The following PKDCC variants were observed in gnomAD, a reference collection of about 807,000 sequenced individuals.
PKDCC encodes protein kinase domain containing, cytoplasmic, also known as extracellular tyrosine-protein kinase PKDCC.
Under a neutral mutation model 44.7 loss-of-function variants are expected in PKDCC, and 35 were observed. That is an observed-to-expected ratio of 0.78 (90% CI 0.60 to 1.04). PKDCC has a LOEUF of 1.04. Among genes scored for constraint, PKDCC ranks in the 50% least tolerant of loss-of-function variants. PKDCC has a pLI of 0.00. For missense variants in PKDCC, 738 were observed against 672.7 expected, an observed-to-expected ratio of 1.10 and a Z score of -1.07; for synonymous variants, 353 against 303.3, an observed-to-expected ratio of 1.16 and a Z score of -1.70.
chr2:42,057,776 T>C lies in PKDCC; in HGVS notation c.*88T>C, dbSNP rs1001161009. ...AGTGACTTGCACTGGCAGCACTGCA[T>C]GTCACCTGGGAACCCCTGCAGACAA... is the stretch of plus-strand genomic sequence containing the variant. On this transcript the variant is annotated 3_prime_UTR_variant, in exon 7 of 7. Transcript: ENST00000294964. The C allele has an allele frequency of 9.6e-6, 11 of 1,142,388 alleles. No homozygotes were observed. The Admixed American group carries it at 1.2e-4, about 12-fold the overall frequency. The allele number at this position is 1,142,388 out of a possible 1,614,324, so 70.8% of individuals were successfully genotyped here. A position where few individuals can be genotyped will look rare whatever the true frequency, so the allele number is the denominator to read the frequency against.
At chr2:42,053,120 G>T in intron 1 of PKDCC, 119 bp from the exon 2 acceptor site, 1 of 1,179,512 alleles carries the variant, frequency 8.5e-7, no homozygotes, top group Non-Finnish European at 1.2e-6. Context: ...CTTCTGGCCT[G>T]AGCTGAAGCA....
Position 42,048,598 on chromosome 2 carries a change from C to T in PKDCC, c.399C>T (p.Ala133=). 6.7e-7 allele frequency: 1 copy of T among 1,498,692 alleles called. No individual in the cohort carries two copies. The highest frequency in any genetic ancestry group is 8.9e-7 in the Non-Finnish European group (1 of 1,124,538). 92.8% of individuals were successfully genotyped at this position (1,498,692 alleles called of 1,614,324 possible). The change falls in exon 1 of 7, where the codon GCC becomes GCT. Residue 133 remains alanine, a synonymous_variant. Transcript: ENST00000294964. The surrounding 1 kb of genome is among the most constrained non-coding windows in gnomAD (Gnocchi z 6.2). ...SPGPGPRLGC[A]ALRNVSGAQY... is the part of the protein sequence containing the mutation. ...GCCCGGGCCCGCGCCTGGGCTGCGCCGCGCTTCGCAACGTGTCCGGCGCGC... is the reference window on the plus strand; with the variant it reads ...GCCCGGGCCCGCGCCTGGGCTGCGCTGCGCTTCGCAACGTGTCCGGCGCGC...
chr2:42,054,490 A>C lies in PKDCC; in HGVS notation c.1034+183A>C. On this transcript the variant is annotated intron_variant, in intron 3 of 6. Coordinates refer to ENST00000294964, the MANE Select transcript of PKDCC (RefSeq NM_138370.3). This position sits in a 1 kb window ranked among gnomAD's most constrained non-coding sequence, Gnocchi z 6.1. The stretch of plus-strand genomic sequence containing the variant: ...CCTCTGATGGAGAGGCTAAAAATAG[A>C]CAGCTCCAAGGAGAATCCGGGTTAG... 1.4e-6 allele frequency: 1 copy of C among 722,740 alleles called. No homozygotes were observed. Among genetic ancestry groups the C allele is most frequent in the Non-Finnish European group, 2.2e-6 (1 of 448,922 alleles). The allele number at this position is 722,740 out of a possible 1,614,324, so 44.8% of individuals were successfully genotyped here.
At position 42,051,073 on chromosome 2, in the gene PKDCC, T is replaced by C. The variant is rs987518879; in HGVS notation, c.640-2166T>C. Among the ~76,000 whole-genome samples the C allele has an allele frequency of 6.6e-6, 1 of 152,238 alleles. No individual in the cohort carries two copies. The highest frequency in any genetic ancestry group is 6.5e-5 in the Admixed American group (1 of 15,306). On this transcript the variant is annotated intron_variant, in intron 1 of 6. Transcript: ENST00000294964. This position sits in a 1 kb window ranked among gnomAD's most constrained non-coding sequence, Gnocchi z 4.2. ...TTCTAGAGTTCCTAGTGGTGCAGGC[T>C]CACCACCCTCCCTCTCTGAGCAGCC...
chr2:42,049,275 G>C (rs1352479777), intron 1 of PKDCC, among the ~76,000 whole-genome samples: 2 of 152,154 alleles, frequency 1.3e-5, no homozygotes, highest in Admixed American at 1.3e-4. Context: ...CCAACTTCCA[G>C]TGATTTGTCT....
At position 42,048,259 on chromosome 2, in the gene PKDCC, C is replaced by G. The variant is rs956119564; in HGVS notation, c.60C>G (p.Ser20=). The G allele has an allele frequency of 1.1e-4, 139 of 1,279,622 alleles. No individual in the cohort carries two copies. The highest frequency in any genetic ancestry group is 1.4e-4 in the Non-Finnish European group (137 of 1,003,990). The allele number at this position is 1,279,622 out of a possible 1,614,324, so 79.3% of individuals were successfully genotyped here. A position where few individuals can be genotyped will look rare whatever the true frequency, so the allele number is the denominator to read the frequency against. The change falls in exon 1 of 7, where the codon TCC becomes TCG. Residue 20 remains serine, a synonymous_variant. Transcript: ENST00000294964. This position sits in a 1 kb window ranked among gnomAD's most constrained non-coding sequence, Gnocchi z 6.2. ...AGFCASFLLG[S]VLNVLFAPGS... Reference sequence around the variant, plus strand: ...TCTGCGCCTCCTTCCTGCTGGGCTCCGTCCTCAACGTGCTCTTCGCTCCGG... The same window carrying G: ...TCTGCGCCTCCTTCCTGCTGGGCTCGGTCCTCAACGTGCTCTTCGCTCCGG...
At position 42,054,397 on chromosome 2, in the gene PKDCC, G is replaced by A. The variant is rs1408877077; in HGVS notation, c.1034+90G>A. 14 of 1,450,756 alleles carry A rather than the reference G, an allele frequency of 9.7e-6. No individual in the cohort carries two copies. The Admixed American group carries it at 1.7e-4, about 17-fold the overall frequency. The allele number at this position is 1,450,756 out of a possible 1,614,324, so 89.9% of individuals were successfully genotyped here. ...AGAGAGCCAACGTGGAGGCCAGCTG[G>A]GCAGGGAGACTCAGCCTTGACCAGA... On this transcript the variant is annotated intron_variant, in intron 3 of 6. Coordinates refer to ENST00000294964, the MANE Select transcript of PKDCC (RefSeq NM_138370.3). This position sits in a 1 kb window ranked among gnomAD's most constrained non-coding sequence, Gnocchi z 6.1.
Position 42,054,617 on chromosome 2 carries a change from A to T in PKDCC, c.1034+310A>T. On this transcript the variant is annotated intron_variant, in intron 3 of 6. Coordinates refer to ENST00000294964, the MANE Select transcript of PKDCC (RefSeq NM_138370.3). This position sits in a 1 kb window ranked among gnomAD's most constrained non-coding sequence, Gnocchi z 6.1. ...CCCACCCAGGCCCTTGTGCTCTGGG[A>T]AATTCCTCACTGGGCCCCAGCCATG... The T allele has an allele frequency of 1.9e-6, 1 of 539,278 alleles. No homozygotes were observed. The highest frequency in any genetic ancestry group is 3.3e-6 in the Non-Finnish European group (1 of 303,770). 33.4% of individuals were successfully genotyped at this position (539,278 alleles called of 1,614,324 possible).
rs1427681485 is a variant in PKDCC, at chr2:42,054,816, C to T, written c.1035-125C>T. On this transcript the variant is annotated intron_variant, in intron 3 of 6. Coordinates refer to ENST00000294964, the MANE Select transcript of PKDCC (RefSeq NM_138370.3). The surrounding 1 kb of genome is among the most constrained non-coding windows in gnomAD (Gnocchi z 6.1). The stretch of plus-strand genomic sequence containing the variant: ...GCTGAGTAGACTTCACTGCGTTCTG[C>T]CTGGTTGCTAGGCCTGAGGGATCCG... 7 of 882,614 alleles carry T rather than the reference C, an allele frequency of 7.9e-6. No homozygotes were observed. The highest frequency in any genetic ancestry group is 2.2e-4 in the Middle Eastern group (1 of 4,546). The allele number at this position is 882,614 out of a possible 1,614,324, so 54.7% of individuals were successfully genotyped here.
rs1180798351 is a variant in PKDCC, at chr2:42,054,398, G to T, written c.1034+91G>T. The T allele has an allele frequency of 1.4e-6, 2 of 1,441,434 alleles. No individual in the cohort carries two copies. Among genetic ancestry groups the T allele is most frequent in the Non-Finnish European group, 1.9e-6 (2 of 1,067,240 alleles). The allele number at this position is 1,441,434 out of a possible 1,614,324, so 89.3% of individuals were successfully genotyped here. ...GAGAGCCAACGTGGAGGCCAGCTGG[G>T]CAGGGAGACTCAGCCTTGACCAGAG... is the stretch of plus-strand genomic sequence containing the variant. On this transcript the variant is annotated intron_variant, in intron 3 of 6. Transcript: ENST00000294964. This position sits in a 1 kb window ranked among gnomAD's most constrained non-coding sequence, Gnocchi z 6.1.
Position 42,057,220 on chromosome 2 carries a change from G to C in PKDCC, c.1223-1G>C. ...CATTTTACTCCATCCCCAACCCACA[G>C]AGTACCAGTGTATCCCAGACAGCAC... is the stretch of plus-strand genomic sequence containing the variant. On this transcript the variant is annotated splice_acceptor_variant, in intron 5 of 6. Transcript: ENST00000294964. LOFTEE classifies it high-confidence loss of function. 1.2e-6 allele frequency: 2 copies of C among 1,614,126 alleles called. No individual in the cohort carries two copies. Among genetic ancestry groups the C allele is most frequent in the Non-Finnish European group, 1.7e-6 (2 of 1,179,974 alleles).
At chr2:42,056,879 G>T (rs1371056003) in intron 5 of PKDCC, among the ~76,000 whole-genome samples, 1 of 152,146 alleles carries the variant, frequency 6.6e-6, no homozygotes, top group Non-Finnish European at 1.5e-5. Flanking sequence ...AAAATGTCCT[G>T]GCCTCAGCAA....
In PKDCC at chr2:42,055,466, C is replaced by A; in HGVS notation, c.1222+73C>A. 1.5e-6 allele frequency: 2 copies of A among 1,349,230 alleles called. No homozygotes were observed. The highest frequency in any genetic ancestry group is 1.3e-5 in the South Asian group (1 of 77,126). The allele number at this position is 1,349,230 out of a possible 1,614,324, so 83.6% of individuals were successfully genotyped here. A position where few individuals can be genotyped will look rare whatever the true frequency, so the allele number is the denominator to read the frequency against. On this transcript the variant is annotated intron_variant, in intron 5 of 6. Coordinates refer to ENST00000294964, the MANE Select transcript of PKDCC (RefSeq NM_138370.3). This position sits in a 1 kb window ranked among gnomAD's most constrained non-coding sequence, Gnocchi z 4.5. ...GGGTGAATGACCCCGCCCAATTAGG[C>A]TAAGTGGCTCACCCTTTCTCTGGGG...
chr2:42,057,368 TGGTCACCAACCAGACCACCTGGACA>T lies in PKDCC; in HGVS notation c.1374_1396+2del. ...AGCCATGCCCAGTGTCGGGCCTTTG[TGGTCACCAACCAGACCACCTGGACA>T]GGTGAGCCAGTGGGAGAAGCCCTTC... On this transcript the variant is annotated frameshift_variant and splice_region_variant, in exon 6 of 7. Coordinates refer to ENST00000294964, the MANE Select transcript of PKDCC (RefSeq NM_138370.3). LOFTEE classifies it high-confidence loss of function. 6.2e-7 allele frequency: 1 copy of T among 1,614,190 alleles called. No homozygotes were observed.
intron 1 of PKDCC, 36 bp from the exon 2 acceptor site, chr2:42,053,203 C>CCA: frequency 6.8e-7 from 1 of 1,473,450 alleles, no homozygotes; most frequent in Non-Finnish European, 9.3e-7. Flanking sequence ...CCACCCCCAC[C>CCA]CTGTGACCTA....
Position 42,055,119 on chromosome 2 carries a change from G to C in PKDCC, c.1114+99G>C. On this transcript the variant is annotated intron_variant, in intron 4 of 6. Coordinates refer to ENST00000294964, the MANE Select transcript of PKDCC (RefSeq NM_138370.3). The surrounding 1 kb of genome is among the most constrained non-coding windows in gnomAD (Gnocchi z 4.5). ...ATAACCCAGGGCAGCAGGGGTTCTA[G>C]AAACCATCACTTCCTAAGGTGGCAT... 1 of 1,404,070 alleles carries C rather than the reference G, an allele frequency of 7.1e-7. No individual in the cohort carries two copies. The highest frequency in any genetic ancestry group is 1.0e-6 in the Non-Finnish European group (1 of 995,236). 87.0% of individuals were successfully genotyped at this position (1,404,070 alleles called of 1,614,324 possible).
chr2:42,054,174 G>A lies in PKDCC; in HGVS notation c.901G>A (p.Val301Met), dbSNP rs1186416663. 1 of 1,611,900 alleles carries A rather than the reference G, an allele frequency of 6.2e-7. No homozygotes were observed. Among genetic ancestry groups the A allele is most frequent in the African/African-American group, 1.3e-5 (1 of 74,904 alleles). Residue 301 changes from valine to methionine, a missense_variant, in exon 3 of 7, where the codon GTG (valine) becomes ATG (methionine). Coordinates refer to ENST00000294964, the MANE Select transcript of PKDCC (RefSeq NM_138370.3). The surrounding 1 kb of genome is among the most constrained non-coding windows in gnomAD (Gnocchi z 6.1). ...LKVTDLDDARVEETPCAGSTD... is the reference protein window; with the variant it reads ...LKVTDLDDARMEETPCAGSTD... The stretch of plus-strand genomic sequence containing the variant: ...AGTGACGGACCTGGATGACGCACGT[G>A]TGGAGGAGACGCCGTGTGCAGGCAG...
Position 42,058,114 on chromosome 2 carries a change from A to G in PKDCC, c.*426A>G, listed in dbSNP as rs1224609779. ...AGGCGGTGGGGGCTGCGTGGGGACA[A>G]TCCATCGTGGAGTGTTCTCTCAGCT... is the stretch of plus-strand genomic sequence containing the variant. On this transcript the variant is annotated 3_prime_UTR_variant, in exon 7 of 7. Coordinates refer to ENST00000294964, the MANE Select transcript of PKDCC (RefSeq NM_138370.3). The surrounding 1 kb of genome is among the most constrained non-coding windows in gnomAD (Gnocchi z 4.2). The G allele has an allele frequency of 5.3e-6, 1 of 190,366 alleles. No homozygotes were observed. The highest frequency in any genetic ancestry group is 2.4e-5 in the African/African-American group (1 of 42,512). The allele number at this position is 190,366 out of a possible 1,614,324, so 11.8% of individuals were successfully genotyped here.
chr2:42,051,662 C>T lies in PKDCC; in HGVS notation c.640-1577C>T, dbSNP rs571131180. ...AGGGCTGTTCCCCTTACCTTCCCCC[C>T]ACCCCACCAGGGTCTGGGGCTTCCC... On this transcript the variant is annotated intron_variant, in intron 1 of 6. Transcript: ENST00000294964. This position sits in a 1 kb window ranked among gnomAD's most constrained non-coding sequence, Gnocchi z 4.2. Among the ~76,000 whole-genome samples, 7 of 152,234 alleles carry T rather than the reference C, an allele frequency of 4.6e-5. No individual in the cohort carries two copies. The highest frequency in any genetic ancestry group is 4.6e-4 in the Admixed American group (7 of 15,310).
Sources: gnomAD v4.1 joint callset for allele counts (sites outside exome capture counted in the v4.1 genomes callset) on GRCh38, gnomAD v4.1.1 for gene constraint, Gnocchi (gnomAD v3.1) non-coding constraint, MANE v1.5 for transcripts, NCBI Gene and HGNC (gene_info 2026-07-23, HGNC 2026-07-21) for gene names.